The following ALLC variants were observed in gnomAD, a reference collection of about 807,000 sequenced individuals.
The protein encoded by ALLC is probable inactive allantoicase.
Under a neutral mutation model 45.0 loss-of-function variants are expected in ALLC, and 40 were observed. The observed-to-expected ratio is 0.89, with a 90% CI of 0.69 to 1.16. The LOEUF (loss-of-function observed/expected upper bound fraction) is 1.16. Ranked by LOEUF, ALLC falls within the 50% of genes most tolerant of loss-of-function variation. ALLC has a pLI of 0.00. For synonymous variants in ALLC, 176 were observed against 178.1 expected (o/e 0.99, Z 0.09); for missense variants, 488 against 493.1 (o/e 0.99, Z 0.10).
At position 3,695,833 on chromosome 2, in the gene ALLC, T is replaced by C; in HGVS notation, c.628T>C (p.Phe210Leu). ...AIAFGGVCVG[F>L]SNAKFGHPNN... ...CGCTTTTGGGGGTGTCTGTGTAGGA[T>C]TTAGTAATGCTAAGTTTGGGCACCC... Residue 210 changes from phenylalanine (F) to leucine (L), a missense_variant, in exon 8 of 12, where the codon TTT becomes CTT. Coordinates refer to ENST00000252505, the MANE Select transcript of ALLC (RefSeq NM_018436.4). The C allele has an allele frequency of 6.2e-7, 1 of 1,613,002 alleles. No individual in the cohort carries two copies. The highest frequency in any genetic ancestry group is 8.5e-7 in the Non-Finnish European group (1 of 1,179,616).
At chr2:3,673,713 C>A (rs538633442) in intron 2 of ALLC, among the ~76,000 whole-genome samples, 3 of 152,212 alleles carry the variant, frequency 2.0e-5, no homozygotes, top group Non-Finnish European at 4.4e-5. Context: ...AGGCCCCAAC[C>A]GCATACGTAA....
At chr2:3,695,592 A>G (rs914857027) in intron 7 of ALLC, 125 bp from the exon 8 acceptor site, 1 of 1,025,190 alleles carries the variant, frequency 9.8e-7, no homozygotes, top group African/African-American at 1.6e-5. Flanking sequence ...TATTTGAGAA[A>G]CAGCAGGTGG....
chr2:3,684,477 A>T (rs1667274670), intron 7 of ALLC, among the ~76,000 whole-genome samples: 1 of 152,144 alleles, frequency 6.6e-6, no homozygotes, highest in Non-Finnish European at 1.5e-5. Flanking sequence ...TACATGGATA[A>T]GTTCTTTAGT....
At chr2:3,649,983 C>T in the ALLC span, among the ~76,000 whole-genome samples, 2 of 152,266 alleles carry the variant, frequency 1.3e-5, no homozygotes, top group East Asian at 1.9e-4. Flanking sequence ...TGTTCAGCAG[C>T]GTCTAAGACG....
At chr2:3,667,988 C>G (rs1666770391) in intron 1 of ALLC, among the ~76,000 whole-genome samples, 1 of 152,200 alleles carries the variant, frequency 6.6e-6, no homozygotes, top group African/African-American at 2.4e-5. Context: ...TGGTCTTGAA[C>G]TCCCGACCTC....
At chr2:3,654,849 C>T (rs554813534), upstream of ALLC, among the ~76,000 whole-genome samples, 8 of 152,358 alleles carry the variant, frequency 5.3e-5, no homozygotes, top group South Asian at 8.3e-4. Context: ...GAAAGAGGAC[C>T]GCATGACTGT....
chr2:3,698,657 G>A (rs931693508), intron 10 of ALLC, among the ~76,000 whole-genome samples: 1 of 152,212 alleles, frequency 6.6e-6, no homozygotes. Context: ...CAATTGTTAT[G>A]TGACATTTTA....
chr2:3,701,515 A>G lies in ALLC; in HGVS notation c.854A>G (p.Asn285Ser), dbSNP rs776130921. 4.4e-6 allele frequency: 7 copies of G among 1,590,720 alleles called. No homozygotes were observed. In the East Asian group the frequency reaches 6.8e-5, roughly 15 times the overall value. ...IEIDTKYFEG[N>S]APDSCKVDGC... ...ACGCTGTGTTTTGCTCCAACAGGCAATGCTCCTGACAGCTGTAAAGTGGAT... is the reference window on the plus strand; with the variant it reads ...ACGCTGTGTTTTGCTCCAACAGGCAGTGCTCCTGACAGCTGTAAAGTGGAT... The change falls in exon 11 of 12, where the codon AAT becomes AGT. Residue 285 changes from asparagine to serine, a missense_variant. Transcript: ENST00000252505.
At chr2:3,690,954 G>GTTT (rs34480482) in intron 7 of ALLC, among the ~76,000 whole-genome samples, 114 of 145,004 alleles carry the variant, frequency 7.9e-4, no homozygotes, top group African/African-American at 2.8e-3. Flanking sequence ...GCACATTAGT[G>GTTT]TTTTTTTTTT....
In ALLC at chr2:3,701,547, A is replaced by T; in HGVS notation, c.886A>T (p.Ile296Phe). ...APDSCKVDGC[I>F]LTTQEEEAVI... ...TGACAGCTGTAAAGTGGATGGGTGC[A>T]TCCTGACAACTCAGGAAGAAGAAGC... Residue 296 changes from isoleucine to phenylalanine, a missense_variant, in exon 11 of 12, where the codon ATC becomes TTC. Coordinates refer to ENST00000252505, the MANE Select transcript of ALLC (RefSeq NM_018436.4). The T allele has an allele frequency of 6.3e-7, 1 of 1,584,232 alleles. No homozygotes were observed. Among genetic ancestry groups the T allele is most frequent in the East Asian group, 2.3e-5 (1 of 44,268 alleles).
chr2:3,699,654 G>A (rs1412160808), intron 10 of ALLC, among the ~76,000 whole-genome samples: 1 of 152,044 alleles, frequency 6.6e-6, no homozygotes, highest in East Asian at 1.9e-4. Flanking sequence ...CCACAACCTT[G>A]TCAACAACTG....
intron 2 of ALLC, among the ~76,000 whole-genome samples, chr2:3,672,416 C>A (rs1431370187): frequency 7.3e-6 from 1 of 136,292 alleles, no homozygotes; most frequent in Non-Finnish European, 1.6e-5. Flanking sequence ...GACCTGTGGT[C>A]CTCTGGCTCT....
the ALLC span, among the ~76,000 whole-genome samples, chr2:3,650,085 C>T: frequency 6.6e-5 from 10 of 152,238 alleles, no homozygotes; most frequent in Non-Finnish European, 5.9e-5. Flanking sequence ...ACCCCTTTCT[C>T]CCCTCTTATG....
In ALLC at chr2:3,680,065, C is replaced by A; in HGVS notation, c.298+71C>A. On this transcript the variant is annotated intron_variant, in intron 5 of 11. Transcript: ENST00000252505. This position sits in a 1 kb window ranked among gnomAD's most constrained non-coding sequence, Gnocchi z 4.0. The stretch of plus-strand genomic sequence containing the variant: ...TGGCTCCTCTGGCCAGCCACAGCCC[C>A]ACAACTGCTCACTTTCCCTACCACC... 1 of 1,591,496 alleles carries A rather than the reference C, an allele frequency of 6.3e-7. No homozygotes were observed. The highest frequency in any genetic ancestry group is 8.6e-7 in the Non-Finnish European group (1 of 1,163,494).
intron 1 of ALLC, among the ~76,000 whole-genome samples, chr2:3,660,351 G>A (rs999194690): frequency 6.6e-6 from 1 of 152,154 alleles, no homozygotes; most frequent in African/African-American, 2.4e-5. Context: ...GCAGAACCAT[G>A]AGCCAAGTAA....
intron 7 of ALLC, among the ~76,000 whole-genome samples, chr2:3,684,371 C>A (rs1667271895): frequency 6.6e-6 from 1 of 152,064 alleles, no homozygotes; most frequent in Non-Finnish European, 1.5e-5. Flanking sequence ...TGTTTATTGG[C>A]CATTTGTATG....
At chr2:3,671,945 G>A (rs1284367903) in intron 2 of ALLC, among the ~76,000 whole-genome samples, 2 of 125,388 alleles carry the variant, frequency 1.6e-5, no homozygotes, top group Non-Finnish European at 3.3e-5. Context: ...TTAGATCCGA[G>A]GTCCTCTGGC....
chr2:3,697,621 G>GTCTGTCTGTCTATCTA (rs1354630765), intron 10 of ALLC, among the ~76,000 whole-genome samples, 165 bp downstream of exon 10: 295 of 125,436 alleles, frequency 2.4e-3, no homozygotes, highest in African/African-American at 7.5e-3. Flanking sequence ...CTGTCTGTCT[G>GTCTGTCTGTCTATCTA]TCTATCTATC....
At chr2:3,688,107 C>G (rs1667379251) in intron 7 of ALLC, 1 of 154,156 alleles carries the variant, frequency 6.5e-6, no homozygotes, top group Admixed American at 6.6e-5. Context: ...GCCCCAGCAT[C>G]AAAGCTGGAA....
Sources: gnomAD v4.1 joint callset for allele counts (sites outside exome capture counted in the v4.1 genomes callset) on GRCh38, gnomAD v4.1.1 for gene constraint, Gnocchi (gnomAD v3.1) non-coding constraint, MANE v1.5 for transcripts, NCBI Gene and HGNC (gene_info 2026-07-23, HGNC 2026-07-21) for gene names.